Variants in TENM1 observed in about 807,000 individuals in gnomAD.
TENM1 encodes teneurin transmembrane protein 1, also known as teneurin-1.
A neutral mutation model predicts 174.8 loss-of-function variants in TENM1; 35 were observed. That is an observed-to-expected ratio of 0.20 (90% confidence interval 0.15 to 0.27). TENM1 has a LOEUF of 0.27. Ranked by LOEUF, TENM1 falls within the 10% of genes least tolerant of loss-of-function variation. The pLI is 1.00. For synonymous variants in TENM1, 781 were observed against 798.7 expected (o/e 0.98, Z 0.37); for missense variants, 1,633 against 2,130.1 (o/e 0.77, Z 4.59).
chrX:124,481,742 A>C, exon 22 of TENM1: 1 of 1,033,379 alleles, frequency 9.7e-7, no homozygotes, highest in Non-Finnish European at 1.3e-6. Context: ...CTCGAGGGCT[A>C]TTCAGTGAAG....
chrX:124,532,104 G>GT (rs1187555008), intron 15 of TENM1, among the ~76,000 whole-genome samples: 4 of 111,493 alleles, frequency 3.6e-5, no homozygotes, highest in Admixed American at 2.9e-4. Context: ...GTGGGGGTTA[G>GT]TTATTACCTT....
chrX:124,799,088 T>G (rs1248566025), intron 3 of TENM1, among the ~76,000 whole-genome samples: 1 of 111,890 alleles, frequency 8.9e-6, no homozygotes, highest in Non-Finnish European at 1.9e-5. Context: ...TTTTGGTTAC[T>G]GTAGCTTTGT....
chrX:124,632,716 A>C (rs1010553607), intron 11 of TENM1, among the ~76,000 whole-genome samples: 1 of 111,663 alleles, frequency 9.0e-6, no homozygotes, highest in Admixed American at 9.6e-5. Context: ...ATAAAAAAAA[A>C]CACTGGTATG....
chrX:125,074,705 T>C, the TENM1 span, among the ~76,000 whole-genome samples: 311 of 111,299 alleles, frequency 2.8e-3, 1 homozygote, highest in African/African-American at 9.8e-3. Context: ...TATCCCAATA[T>C]TCCCTAGTAC....
At chrX:124,555,167 T>A (rs1326433382) in intron 14 of TENM1, among the ~76,000 whole-genome samples, 1 of 111,450 alleles carries the variant, frequency 9.0e-6, no homozygotes, top group Middle Eastern at 4.2e-3. Context: ...ACTACTTTTC[T>A]ATACTAATCT....
the TENM1 span, among the ~76,000 whole-genome samples, chrX:125,188,505 T>A: frequency 1.8e-5 from 2 of 112,401 alleles, no homozygotes; most frequent in Non-Finnish European, 3.8e-5. Context: ...AATTTATTAA[T>A]GAAGTAATCC....
chrX:124,531,817 C>T (rs2048113623), intron 15 of TENM1, among the ~76,000 whole-genome samples: 1 of 112,226 alleles, frequency 8.9e-6, no homozygotes, highest in Non-Finnish European at 1.9e-5. Flanking sequence ...CTAATTCTGG[C>T]AGATCTGGTC....
chrX:124,582,732 C>A (rs1602710537), intron 11 of TENM1, among the ~76,000 whole-genome samples: 1 of 111,934 alleles, frequency 8.9e-6, no homozygotes, highest in Non-Finnish European at 1.9e-5. Flanking sequence ...CAGGGCGAGG[C>A]ATTGCCTCAC....
intron 1 of TENM1, among the ~76,000 whole-genome samples, chrX:124,914,209 T>C (rs1460848983): frequency 1.1e-4 from 12 of 112,017 alleles, no homozygotes; most frequent in Non-Finnish European, 3.8e-5. Context: ...TAAGGAGGTA[T>C]AATGTAATCT....
exon 25 of TENM1, chrX:124,420,722 C>T (rs777154885): frequency 5.8e-6 from 7 of 1,210,987 alleles, no homozygotes; most frequent in Non-Finnish European, 7.8e-6. Context: ...GGTACGAATT[C>T]GAACATTTCC....
At position 124,699,664 on chromosome X, in the gene TENM1, T is replaced by C. The variant is rs553731241; in HGVS notation, c.1015+5349A>G. ...TTGACATGGATTCATCATGTCATTT[T>C]AGTATGTTTAATTTGGATTGGATTT... On this transcript the variant is annotated intron_variant, in intron 5 of 31. Coordinates refer to ENST00000422452, the Ensembl canonical transcript of TENM1. 1.1e-4 allele frequency among the ~76,000 whole-genome samples: 12 copies of C among 112,106 alleles called. No individual in the cohort carries two copies. In the South Asian group the frequency reaches 4.4e-3, roughly 41 times the overall value.
chrX:124,476,650 G>A (rs775171071), intron 22 of TENM1, among the ~76,000 whole-genome samples: 15 of 111,488 alleles, frequency 1.3e-4, no homozygotes, highest in African/African-American at 4.2e-4. Flanking sequence ...TTCACCTTCC[G>A]TATCTACTTA....
chrX:124,884,431 G>A (rs1029262452), intron 3 of TENM1, among the ~76,000 whole-genome samples: 9 of 110,938 alleles, frequency 8.1e-5, no homozygotes, highest in East Asian at 2.9e-4. Flanking sequence ...GAGCAATGCC[G>A]TCACATAATC....
intron 5 of TENM1, among the ~76,000 whole-genome samples, chrX:124,687,597 T>C (rs771145577): frequency 1.1e-3 from 124 of 112,205 alleles, no homozygotes; most frequent in African/African-American, 3.7e-3. Context: ...AATTAAACTA[T>C]AGATCTTCTG....
intron 17 of TENM1, among the ~76,000 whole-genome samples, chrX:124,522,411 T>A (rs758130506): frequency 3.6e-5 from 4 of 111,598 alleles, no homozygotes; most frequent in Non-Finnish European, 7.5e-5. Flanking sequence ...TATAATGTGG[T>A]GAGGGAATTG....
chrX:124,932,001 C>T (rs2058179802), intron 1 of TENM1, among the ~76,000 whole-genome samples: 1 of 111,708 alleles, frequency 9.0e-6, no homozygotes. Context: ...TTTCTGGTTC[C>T]ACAAAGCGGC....
chrX:124,938,358 G>A (rs2058276476), intron 1 of TENM1, among the ~76,000 whole-genome samples: 2 of 112,393 alleles, frequency 1.8e-5, no homozygotes, highest in African/African-American at 6.5e-5. Flanking sequence ...TTGTTTTTCT[G>A]CCTGTGTGAT....
chrX:125,156,089 C>T, the TENM1 span, among the ~76,000 whole-genome samples: 1 of 112,319 alleles, frequency 8.9e-6, no homozygotes, highest in Admixed American at 9.3e-5. Flanking sequence ...TTACAAACAC[C>T]TTGAGGTCAG....
At chrX:125,178,327 G>C in the TENM1 span, among the ~76,000 whole-genome samples, 5 of 111,442 alleles carry the variant, frequency 4.5e-5, no homozygotes, top group Non-Finnish European at 9.4e-5. Context: ...TGATTTACCA[G>C]TACAACTGCC....
Sources: gnomAD v4.1 joint callset for allele counts (sites outside exome capture counted in the v4.1 genomes callset) on GRCh38, gnomAD v4.1.1 for gene constraint, MANE v1.5 for transcripts, NCBI Gene and HGNC (gene_info 2026-07-23, HGNC 2026-07-21) for gene names.